Variants in FAM153A observed in about 807,000 individuals in gnomAD.
FAM153A encodes the protein protein FAM153A.
In FAM153A, 12 loss-of-function variants were observed where a neutral mutation model predicts 48.1. That is an observed-to-expected ratio of 0.25 (90% confidence interval 0.16 to 0.40). The LOEUF (loss-of-function observed/expected upper bound fraction) is 0.40, where lower values mean the gene tolerates loss of function less well. Among genes scored for constraint, FAM153A ranks in the 10% least tolerant of loss-of-function variants. The pLI is 1.00. For missense variants in FAM153A, 111 were observed against 345.8 expected (o/e 0.32, Z 5.38); for synonymous variants, 36 against 118.2 (o/e 0.30, Z 4.51).
chr5:177,749,163 C>G (rs1291177036), intron 2 of FAM153A, among the ~76,000 whole-genome samples: 11 of 150,804 alleles, frequency 7.3e-5, no homozygotes. Flanking sequence ...TTTTAATAAT[C>G]AAGTGCACAC....
At chr5:177,781,885 A>ATTTTTT (rs1278832484), upstream of FAM153A, among the ~76,000 whole-genome samples, 11 of 67,274 alleles carry the variant, frequency 1.6e-4, no homozygotes, top group African/African-American at 6.1e-4. Flanking sequence ...CGCCCGGCTA[A>ATTTTTT]TTTTTTTTTT....
intron 13 of FAM153A, among the ~76,000 whole-genome samples, 164 bp downstream of exon 15, chr5:177,734,699 C>T (rs1420029814): frequency 1.3e-5 from 2 of 149,942 alleles, no homozygotes; most frequent in Non-Finnish European, 1.5e-5. Flanking sequence ...CTCCCACTGT[C>T]TTAAATCAAG....
At chr5:177,713,522 G>T (rs1311512401) in intron 26 of FAM153A, among the ~76,000 whole-genome samples, 1 of 151,536 alleles carries the variant, frequency 6.6e-6, no homozygotes, top group South Asian at 2.1e-4. Context: ...CTCCCAAAGT[G>T]CTGGGATTAC....
chr5:177,740,622 C>A (rs1045122127), intron 8 of FAM153A, among the ~76,000 whole-genome samples, 155 bp downstream of exon 10: 6 of 116,448 alleles, frequency 5.2e-5, no homozygotes, highest in African/African-American at 1.7e-4. Flanking sequence ...CACTGTGTTG[C>A]CCAGGCTAGA....
chr5:177,708,536 C>T (rs1323148577), downstream of FAM153A, among the ~76,000 whole-genome samples: 1 of 151,724 alleles, frequency 6.6e-6, no homozygotes, highest in Non-Finnish European at 1.5e-5. Context: ...GAGATCGTGC[C>T]ATTGCACTCC....
intron 25 of FAM153A, among the ~76,000 whole-genome samples, chr5:177,714,758 GTA>G (rs1350975940): frequency 2.4e-5 from 1 of 41,068 alleles, no homozygotes; most frequent in Non-Finnish European, 5.2e-5. Context: ...AAATGCCATA[GTA>G]CTTGCCTGCA....
Position 177,728,461 on chromosome 5 carries a change from A to G in FAM153A, c.964+562T>C, listed in dbSNP as rs1204322434. On this transcript the variant is annotated intron_variant, in intron 18 of 20. Transcript: ENST00000614127. The stretch of plus-strand genomic sequence containing the variant: ...TAGACTCTCTCCTCTGTCCCTCCCA[A>G]CTCTGATGTACTACCCCACCTTACA... Among the ~76,000 whole-genome samples, 16 of 147,286 alleles carry G rather than the reference A, an allele frequency of 1.1e-4. 1 individual carries two copies. The highest frequency in any genetic ancestry group is 2.1e-4 in the South Asian group (1 of 4,662).
At chr5:177,737,569 G>A (rs1405152446) in intron 10 of FAM153A, among the ~76,000 whole-genome samples, 1 of 151,284 alleles carries the variant, frequency 6.6e-6, no homozygotes. Context: ...TGCCCCAGCT[G>A]GAGTATAATT....
the FAM153A span, among the ~76,000 whole-genome samples, chr5:177,695,948 C>T: frequency 4.8e-4 from 41 of 86,094 alleles, 2 homozygotes; most frequent in Admixed American, 1.8e-3. Flanking sequence ...ACTTCCCAGA[C>T]GGGGTGGCGG....
the FAM153A span, among the ~76,000 whole-genome samples, chr5:177,700,454 T>C: frequency 6.6e-6 from 1 of 151,850 alleles, no homozygotes; most frequent in East Asian, 1.9e-4. Context: ...ACAAAAAAAC[T>C]ATGAGAGCTA....
rs1365776443 is a variant in FAM153A at position 177,766,235 on chromosome 5, T to C, written c.-57+14214A>G. ...AATCTCCTTTCTGCCACTTCCTATATATAAAAAAACTATCCTAATCTCTTT... is the reference window on the plus strand; with the variant it reads ...AATCTCCTTTCTGCCACTTCCTATACATAAAAAAACTATCCTAATCTCTTT... On this transcript the variant is annotated intron_variant, in intron 1 of 8. Coordinates refer to the FAM153A transcript ENST00000393518. 1.9e-5 allele frequency among the ~76,000 whole-genome samples: 2 copies of C among 105,228 alleles called. 1 individual carries two copies. The highest frequency in any genetic ancestry group is 6.4e-5 in the African/African-American group (2 of 31,438). 69.0% of individuals were successfully genotyped at this position (105,228 alleles called of 152,430 possible). A position where few individuals can be genotyped will look rare whatever the true frequency, so the allele number is the denominator to read the frequency against.
downstream of FAM153A, among the ~76,000 whole-genome samples, chr5:177,707,418 A>G (rs62398514): frequency 0.26 from 38,938 of 151,506 alleles, 5,739 homozygotes; most frequent in South Asian, 0.38. Flanking sequence ...AAAAAATCAA[A>G]AGGACAAAAA....
downstream of FAM153A, among the ~76,000 whole-genome samples, chr5:177,705,135 C>A: frequency 6.7e-6 from 1 of 149,864 alleles, no homozygotes; most frequent in East Asian, 2.0e-4. Context: ...GAAACCCTGT[C>A]TCTACTAAAA....
intron 13 of FAM153A, 139 bp downstream of exon 15, chr5:177,734,724 G>A: frequency 2.9e-6 from 4 of 1,365,336 alleles, no homozygotes; most frequent in Admixed American, 2.1e-5. Context: ...AGTGGGGACA[G>A]ACTCTCACTT....
At chr5:177,734,889 C>T (rs1284641495) in exon 13 of FAM153A, 21 of 1,488,840 alleles carry the variant, frequency 1.4e-5, no homozygotes, top group Non-Finnish European at 1.9e-5. Context: ...TCCTCCTCCT[C>T]ACCGTTGTAA....
At chr5:177,755,632 A>G (rs1357704253), upstream of FAM153A, among the ~76,000 whole-genome samples, 1 of 151,826 alleles carries the variant, frequency 6.6e-6, no homozygotes, top group African/African-American at 2.4e-5. Context: ...CTAACAGCTG[A>G]TCTCTTGGCA....
At chr5:177,717,668 TCTC>T (rs1464871021), downstream of FAM153A, among the ~76,000 whole-genome samples, 4 of 138,318 alleles carry the variant, frequency 2.9e-5, no homozygotes, top group Non-Finnish European at 6.2e-5. Flanking sequence ...GACGCAAACA[TCTC>T]CTGGTGTGAG....
At chr5:177,737,471 C>T (rs1392926385) in intron 10 of FAM153A, among the ~76,000 whole-genome samples, 1 of 150,974 alleles carries the variant, frequency 6.6e-6, no homozygotes, top group East Asian at 1.9e-4. Flanking sequence ...TCATTTCCTC[C>T]CCAGGATCCA....
In FAM153A at chr5:177,715,225, G is replaced by A. The variant is rs192328331; in HGVS notation, c.*1222+1120C>T. Among the ~76,000 whole-genome samples the A allele has an allele frequency of 4.0e-4, 60 of 151,848 alleles. 1 individual carries two copies. The highest frequency in any genetic ancestry group is 1.4e-3 in the African/African-American group (57 of 41,204). ...TCTCAAACTCCTGACCTTGTGATCC[G>A]TCTGCCTCAGCCTCCCAAAGTGCTG... On this transcript the variant is annotated intron_variant and NMD_transcript_variant, in intron 25 of 26. Coordinates refer to the FAM153A transcript ENST00000360669.
Sources: allele counts gnomAD v4.1 joint callset (sites outside exome capture counted in the v4.1 genomes callset), GRCh38; gene constraint gnomAD v4.1.1; transcripts MANE v1.5; gene names NCBI Gene and HGNC (gene_info 2026-07-23, HGNC 2026-07-21).